ACAD11: variants seen among roughly 807,000 people sequenced by gnomAD.
The protein encoded by ACAD11 is acyl-Coenzyme A dehydrogenase family, member 11.
ACAD11 carries 83 observed loss-of-function variants against 102.2 expected under a neutral mutation model. The ratio of observed to expected loss-of-function variants is 0.81; its 90% CI spans 0.68 to 0.97. The LOEUF (loss-of-function observed/expected upper bound fraction) is 0.97. Ranked by LOEUF, ACAD11 falls within the 50% of genes least tolerant of loss-of-function variation. The pLI is 0.00. For synonymous variants in ACAD11, 324 were observed against 319.8 expected (o/e 1.01, Z -0.14); for missense variants, 901 against 951.7 (o/e 0.95, Z 0.70).
Position 132,587,527 on chromosome 3 carries a change from A to G in ACAD11, c.1622-7969T>C, listed in dbSNP as rs146563053. Among the ~76,000 whole-genome samples the G allele has an allele frequency of 1.1e-3, 163 of 152,272 alleles. 1 individual carries two copies. The highest frequency in any genetic ancestry group is 3.7e-3 in the African/African-American group (155 of 41,564). On this transcript the variant is annotated intron_variant, in intron 13 of 19. Coordinates refer to ENST00000264990, the MANE Select transcript of ACAD11 (RefSeq NM_032169.5). ...TAATGTTTTATTTTTCTTGACCTCA[A>G]TGAGCACATTTATAATAGCTGCCTT...
intron 13 of ACAD11, among the ~76,000 whole-genome samples, chr3:132,588,563 C>T (rs1404676174): frequency 1.3e-5 from 2 of 152,094 alleles, no homozygotes; most frequent in Non-Finnish European, 2.9e-5. Context: ...TTCTAATCTC[C>T]TCCATTATTC....
intron 11 of ACAD11, among the ~76,000 whole-genome samples, chr3:132,610,805 C>A (rs1451064182): frequency 6.6e-6 from 1 of 152,162 alleles, no homozygotes; most frequent in Non-Finnish European, 1.5e-5. Context: ...GAAGAAGGAG[C>A]TGGTACCATT....
chr3:132,598,109 A>G, intron 13 of ACAD11, among the ~76,000 whole-genome samples: 1 of 152,230 alleles, frequency 6.6e-6, no homozygotes, highest in East Asian at 1.9e-4. Flanking sequence ...TGTTTTAAAA[A>G]TAATATTTTC....
At chr3:132,653,757 C>T (rs1937634977) in intron 1 of ACAD11, among the ~76,000 whole-genome samples, 1 of 152,120 alleles carries the variant, frequency 6.6e-6, no homozygotes, top group African/African-American at 2.4e-5. Flanking sequence ...TTTCCCCCAC[C>T]TCTTTGGCCA....
intron 13 of ACAD11, among the ~76,000 whole-genome samples, chr3:132,599,026 T>G (rs1938447138): frequency 6.6e-6 from 1 of 152,158 alleles, no homozygotes; most frequent in South Asian, 2.1e-4. Context: ...AGAAAGATAC[T>G]GCTTGGCCAG....
At chr3:132,642,386 C>G (rs2107886370) in intron 3 of ACAD11, among the ~76,000 whole-genome samples, 1 of 152,296 alleles carries the variant, frequency 6.6e-6, no homozygotes, top group East Asian at 1.9e-4. Flanking sequence ...TCCCTGCTAC[C>G]TTATGGACAA....
chr3:132,601,851 T>C (rs1938619258), intron 13 of ACAD11: 1 of 298,830 alleles, frequency 3.3e-6, no homozygotes, highest in South Asian at 3.4e-5. Flanking sequence ...AGTATAATTA[T>C]GTAAGATGGA....
At chr3:132,644,200 C>T (rs1348202402) in intron 2 of ACAD11, among the ~76,000 whole-genome samples, 1 of 152,122 alleles carries the variant, frequency 6.6e-6, no homozygotes, top group Admixed American at 6.5e-5. Flanking sequence ...ACCCTAAATA[C>T]GCACAGTGCT....
rs140309271 is a variant in ACAD11 at position 132,562,251 on chromosome 3, C to A, written c.2002-1034G>T. ...TCTGAGTAGCTGGGACTACAGGCGCCCATCACCATGCCTGGCTAATTTTTG... is the reference window on the plus strand; with the variant it reads ...TCTGAGTAGCTGGGACTACAGGCGCACATCACCATGCCTGGCTAATTTTTG... On this transcript the variant is annotated intron_variant, in intron 17 of 19. Transcript: ENST00000264990. 3.9e-3 allele frequency among the ~76,000 whole-genome samples: 592 copies of A among 152,196 alleles called. 2 individuals carry two copies. The highest frequency in any genetic ancestry group is 5.7e-3 in the Non-Finnish European group (386 of 68,002).
At chr3:132,589,708 A>T (rs989277945) in intron 13 of ACAD11, among the ~76,000 whole-genome samples, 3 of 152,084 alleles carry the variant, frequency 2.0e-5, no homozygotes, top group African/African-American at 4.8e-5. Flanking sequence ...TATTTTCTTT[A>T]AAAAAAGCAA....
At position 132,603,099 on chromosome 3, in the gene ACAD11, G is replaced by A. The variant is rs977891326; in HGVS notation, c.1621+130C>T. The A allele has an allele frequency of 3.7e-6, 3 of 804,150 alleles. No homozygotes were observed. The South Asian group carries it at 5.1e-5, about 14-fold the overall frequency. 49.8% of individuals were successfully genotyped at this position (804,150 alleles called of 1,614,324 possible). A position where few individuals can be genotyped will look rare whatever the true frequency, so the allele number is the denominator to read the frequency against. ...ATTACAGGTGTTAGCCACCGCACCT[G>A]GCCTACACATGCAGAATTTAAAGAA... On this transcript the variant is annotated intron_variant, in intron 13 of 19. Coordinates refer to ENST00000264990, the MANE Select transcript of ACAD11 (RefSeq NM_032169.5).
intron 17 of ACAD11, among the ~76,000 whole-genome samples, chr3:132,563,638 A>G (rs1937128113): frequency 6.6e-6 from 1 of 152,184 alleles, no homozygotes; most frequent in South Asian, 2.1e-4. Flanking sequence ...TGACTTTGCT[A>G]AACTCACTTA....
chr3:132,622,631 G>A (rs1425481047), intron 9 of ACAD11, among the ~76,000 whole-genome samples: 2 of 152,036 alleles, frequency 1.3e-5, no homozygotes, highest in Non-Finnish European at 2.9e-5. Context: ...GGCACGGTAG[G>A]ACTCAAAATT....
At chr3:132,585,931 G>A (rs1937801529) in intron 13 of ACAD11, among the ~76,000 whole-genome samples, 1 of 152,098 alleles carries the variant, frequency 6.6e-6, no homozygotes, top group Non-Finnish European at 1.5e-5. Flanking sequence ...AAGTCAGTGT[G>A]GTGATTCCTC....
chr3:132,605,290 G>T, intron 11 of ACAD11, 85 bp from the exon 12 acceptor site: 1 of 836,138 alleles, frequency 1.2e-6, no homozygotes, highest in African/African-American at 1.7e-5. Flanking sequence ...GTATAGAAAT[G>T]CATCTTTTTA....
At chr3:132,643,426 G>C (rs1184218428) in intron 2 of ACAD11, among the ~76,000 whole-genome samples, 1 of 152,152 alleles carries the variant, frequency 6.6e-6, no homozygotes, top group Non-Finnish European at 1.5e-5. Context: ...AGGAAAAAAT[G>C]GCTTCCTTAA....
At chr3:132,623,899 C>T (rs575946844) in intron 9 of ACAD11, among the ~76,000 whole-genome samples, 2 of 152,212 alleles carry the variant, frequency 1.3e-5, no homozygotes, top group South Asian at 2.1e-4. Flanking sequence ...TACTAGCATG[C>T]TATCAGATAG....
At chr3:132,644,192 C>T (rs956883691) in intron 2 of ACAD11, among the ~76,000 whole-genome samples, 3 of 152,044 alleles carry the variant, frequency 2.0e-5, no homozygotes, top group African/African-American at 7.3e-5. Context: ...ACGGCTATAC[C>T]CTAAATACGC....
chr3:132,626,918 A>C (rs2305626), intron 8 of ACAD11, 101 bp from the exon 9 acceptor site: 133,290 of 1,187,222 alleles, frequency 0.11, 7,853 homozygotes, highest in Middle Eastern at 0.16. Flanking sequence ...TACCCAAAAA[A>C]CATCCCCCAG....
Sources: gnomAD v4.1 joint callset for allele counts (sites outside exome capture counted in the v4.1 genomes callset) on GRCh38, gnomAD v4.1.1 for gene constraint, MANE v1.5 for transcripts, NCBI Gene and HGNC (gene_info 2026-07-23, HGNC 2026-07-21) for gene names.